PCDHGA3: variants seen among roughly 807,000 people sequenced by gnomAD.
PCDHGA3 encodes the protein protocadherin gamma subfamily A, 3, also known as protocadherin gamma-A3.
Under a neutral mutation model 58.5 loss-of-function variants are expected in PCDHGA3, and 40 were observed. The ratio of observed to expected loss-of-function variants is 0.68; its 90% CI spans 0.53 to 0.89. The LOEUF is 0.89. Ranked by LOEUF, PCDHGA3 falls within the 40% of genes least tolerant of loss-of-function variation. The probability of loss-of-function intolerance (pLI) is 0.00; values close to 1 mark genes in which losing one functional copy is unlikely to be tolerated. For synonymous variants in PCDHGA3, 530 were observed against 525.7 expected, an observed-to-expected ratio of 1.01 and a Z score of -0.11; for missense variants, 1,223 against 1,195.9, an observed-to-expected ratio of 1.02 and a Z score of -0.33.
chr5:141,396,134 A>G (rs970824771), intron 1 of PCDHGA3: 1 of 152,226 alleles, frequency 6.6e-6, no homozygotes, highest in East Asian at 1.9e-4. Context: ...CACAAGTTCT[A>G]AATAAGCTGA....
chr5:141,411,568 AG>A (rs2095500132), intron 1 of PCDHGA3: 1 of 152,232 alleles, frequency 6.6e-6, no homozygotes, highest in South Asian at 2.1e-4. Context: ...TGGGCGACAG[AG>A]TGCGACCCTG....
rs1758397732 is a variant in PCDHGA3, at chr5:141,350,060, G to A, written c.2424+3603G>A. 3 of 412,496 alleles carry A rather than the reference G, an allele frequency of 7.3e-6. No individual in the cohort carries two copies. In the East Asian group the frequency reaches 1.1e-4, roughly 15 times the overall value. 25.6% of individuals were successfully genotyped at this position (412,496 alleles called of 1,614,324 possible). On this transcript the variant is annotated intron_variant, in intron 1 of 3. Coordinates refer to ENST00000253812, the MANE Select transcript of PCDHGA3 (RefSeq NM_018916.4). ...GGGCGCCGCTGTCGACCAAAAGGAA[G>A]TGAAGGCTTCTCAATTCTGCAGGAG...
Position 141,432,083 on chromosome 5 carries a change from G to T in PCDHGA3, c.2425-62724G>T, listed in dbSNP as rs1221754474. On this transcript the variant is annotated intron_variant, in intron 1 of 3. Transcript: ENST00000253812. The surrounding 1 kb of genome is among the most constrained non-coding windows in gnomAD (Gnocchi z 6.0). ...CACGGAAACTCATATCTCGCTGAAC[G>T]TGGCAGACACCAACGACAACCCGCC... The T allele has an allele frequency of 1.9e-6, 3 of 1,614,040 alleles. No individual in the cohort carries two copies. The highest frequency in any genetic ancestry group is 2.7e-5 in the African/African-American group (2 of 74,910).
intron 1 of PCDHGA3, among the ~76,000 whole-genome samples, chr5:141,456,135 G>A (rs1422353665): frequency 6.6e-6 from 1 of 152,052 alleles, no homozygotes; most frequent in Non-Finnish European, 1.5e-5. Context: ...CTGACCTCCT[G>A]ATCCGCCCGC....
rs1280525764 is a variant in PCDHGA3 at position 141,367,851 on chromosome 5, GT to G, written c.2424+21397del. Reference sequence around the variant, plus strand: ...AATCAATACCTACTGCAATGTTAGCGTTTCTTTAAGTGTAGGTGCAATTCTT... The same window carrying G: ...AATCAATACCTACTGCAATGTTAGCGTTCTTTAAGTGTAGGTGCAATTCTT... On this transcript the variant is annotated intron_variant, in intron 1 of 3. Transcript: ENST00000253812. 2.6e-5 allele frequency: 4 copies of G among 151,844 alleles called. No homozygotes were observed. The East Asian group carries it at 5.8e-4, about 22-fold the overall frequency. The allele number at this position is 151,844 out of a possible 1,614,324, so 9.4% of individuals were successfully genotyped here.
intron 1 of PCDHGA3, among the ~76,000 whole-genome samples, chr5:141,458,227 G>T (rs2154566190): frequency 6.6e-6 from 1 of 152,284 alleles, no homozygotes; most frequent in South Asian, 2.1e-4. Context: ...TCCTTTCCCA[G>T]TCCATGCACC....
intron 1 of PCDHGA3, chr5:141,402,822 C>G (rs1038768509): frequency 7.7e-7 from 1 of 1,302,260 alleles, no homozygotes; most frequent in African/African-American, 1.5e-5. Flanking sequence ...CAAACCTGCT[C>G]CCAGGCTGCA....
intron 1 of PCDHGA3, among the ~76,000 whole-genome samples, chr5:141,435,245 G>A (rs577996994): frequency 6.6e-6 from 1 of 152,132 alleles, no homozygotes; most frequent in Admixed American, 6.5e-5. Context: ...ATTCTTTCTG[G>A]CCATTAGGGA....
At chr5:141,393,316 A>T (rs2092726404) in intron 1 of PCDHGA3, 2 of 1,612,964 alleles carry the variant, frequency 1.2e-6, no homozygotes, top group Non-Finnish European at 1.7e-6. Flanking sequence ...AACTCCCTCC[A>T]GAGCTACCAG....
chr5:141,380,196 G>A (rs1002706852), intron 1 of PCDHGA3, among the ~76,000 whole-genome samples: 3 of 152,110 alleles, frequency 2.0e-5, no homozygotes, highest in Non-Finnish European at 2.9e-5. Flanking sequence ...CACTGAGCCC[G>A]GCCTGAAAGG....
chr5:141,478,642 T>A (rs777741719), intron 1 of PCDHGA3: 1 of 1,552,350 alleles, frequency 6.4e-7, no homozygotes, highest in South Asian at 1.2e-5. Context: ...GTGATGAAGA[T>A]GTTTTCCTGG....
At chr5:141,416,641 C>A (rs996381588) in intron 1 of PCDHGA3, 1 of 152,056 alleles carries the variant, frequency 6.6e-6, no homozygotes, top group Non-Finnish European at 1.5e-5. Context: ...AAACACCAAC[C>A]ACAGCTGTAA....
chr5:141,419,540 C>A (rs999461892), intron 1 of PCDHGA3: 4 of 1,612,018 alleles, frequency 2.5e-6, no homozygotes. Flanking sequence ...CAACGCACCG[C>A]GGGTGCTGTA....
At chr5:141,353,093 G>A (rs1040742747) in intron 1 of PCDHGA3, among the ~76,000 whole-genome samples, 1 of 152,022 alleles carries the variant, frequency 6.6e-6, no homozygotes, top group Non-Finnish European at 1.5e-5. Context: ...TGCGGGAGGG[G>A]GTACTAGATA....
chr5:141,414,715 G>A, intron 1 of PCDHGA3: 1 of 1,614,128 alleles, frequency 6.2e-7, no homozygotes. Context: ...CATCAACTCA[G>A]ACACTGGCGT....
chr5:141,387,086 A>G (rs761672201), intron 1 of PCDHGA3, among the ~76,000 whole-genome samples: 4 of 152,226 alleles, frequency 2.6e-5, no homozygotes, highest in Non-Finnish European at 5.9e-5. Context: ...GCCTGTGATC[A>G]TCGAAATGAG....
intron 1 of PCDHGA3, chr5:141,395,200 A>G: frequency 6.2e-7 from 1 of 1,613,768 alleles, no homozygotes; most frequent in Non-Finnish European, 8.5e-7. Flanking sequence ...ACATCCGTAG[A>G]TTTTCATGAA....
chr5:141,480,578 A>G (rs1343189182), intron 1 of PCDHGA3, among the ~76,000 whole-genome samples: 1 of 133,254 alleles, frequency 7.5e-6, no homozygotes, highest in Admixed American at 7.4e-5. Context: ...GCAAGAAATA[A>G]CTGCCGCTCT....
intron 1 of PCDHGA3, chr5:141,362,620 T>G (rs763103959): frequency 6.5e-7 from 1 of 1,527,082 alleles, no homozygotes; most frequent in Non-Finnish European, 8.8e-7. Context: ...GGGTAGGAAG[T>G]TCCACTGCGT....
Sources: allele counts gnomAD v4.1 joint callset (sites outside exome capture counted in the v4.1 genomes callset), GRCh38; gene constraint gnomAD v4.1.1; non-coding constraint Gnocchi (gnomAD v3.1); transcripts MANE v1.5; gene names NCBI Gene and HGNC (gene_info 2026-07-23, HGNC 2026-07-21).